RASGRF2: variants seen among roughly 807,000 people sequenced by gnomAD.
RASGRF2 encodes the protein Ras protein specific guanine nucleotide releasing factor 2, also known as ras-specific guanine nucleotide-releasing factor 2.
RASGRF2 carries 76 observed loss-of-function variants against 151.0 expected under a neutral mutation model. The observed-to-expected ratio is 0.50, with a 90% confidence interval of 0.42 to 0.61. RASGRF2 has a LOEUF of 0.61. Ranked by LOEUF, RASGRF2 falls within the 20% of genes least tolerant of loss-of-function variation. RASGRF2 has a pLI of 0.00. For missense variants in RASGRF2, 1,148 were observed against 1,564.6 expected (o/e 0.73, Z 4.49); for synonymous variants, 504 against 566.5 (o/e 0.89, Z 1.57).
chr5:81,036,181 T>C (rs1750486270), intron 1 of RASGRF2, among the ~76,000 whole-genome samples: 1 of 152,166 alleles, frequency 6.6e-6, no homozygotes, highest in Non-Finnish European at 1.5e-5. Flanking sequence ...TTCCTGGTAC[T>C]TACCTTCATA....
At chr5:81,040,328 A>T (rs1251633206) in intron 1 of RASGRF2, among the ~76,000 whole-genome samples, 1 of 152,178 alleles carries the variant, frequency 6.6e-6, no homozygotes, top group East Asian at 1.9e-4. Context: ...AAGTGACTTG[A>T]TACTATTCCT....
intron 17 of RASGRF2, among the ~76,000 whole-genome samples, chr5:81,148,891 C>T (rs1754066904): frequency 6.6e-6 from 1 of 151,786 alleles, no homozygotes; most frequent in Non-Finnish European, 1.5e-5. Context: ...AATGCTTAAC[C>T]TCACTAATTA....
At chr5:81,080,249 A>G (rs753983087) in intron 6 of RASGRF2, 49 bp downstream of exon 6, 31 of 1,574,904 alleles carry the variant, frequency 2.0e-5, no homozygotes, top group African/African-American at 1.1e-4. Context: ...AGTGGCTGCA[A>G]TTAGAGTAAA....
At chr5:81,059,017 C>T (rs1270109293) in intron 2 of RASGRF2, among the ~76,000 whole-genome samples, 1 of 152,138 alleles carries the variant, frequency 6.6e-6, no homozygotes, top group Non-Finnish European at 1.5e-5. Context: ...AGTTCCAACT[C>T]TTCCCCCTTC....
chr5:81,115,832 A>G (rs551994130), intron 15 of RASGRF2, among the ~76,000 whole-genome samples: 1 of 152,236 alleles, frequency 6.6e-6, no homozygotes, highest in Non-Finnish European at 1.5e-5. Context: ...TACTCTAGTT[A>G]TGTGGATAAT....
At chr5:81,000,664 C>T (rs1158242935) in intron 1 of RASGRF2, among the ~76,000 whole-genome samples, 1 of 152,104 alleles carries the variant, frequency 6.6e-6, no homozygotes, top group Non-Finnish European at 1.5e-5. Flanking sequence ...TCCGACTTTA[C>T]CCAATGCTGG....
intron 1 of RASGRF2, among the ~76,000 whole-genome samples, chr5:81,011,229 AT>A (rs1242758916): frequency 3.4e-5 from 4 of 116,212 alleles, no homozygotes; most frequent in Non-Finnish European, 3.8e-5. Flanking sequence ...CTAGCTTACT[AT>A]TTTTTTTTAT....
chr5:81,180,580 CTG>C (rs1459758694), intron 18 of RASGRF2, among the ~76,000 whole-genome samples: 11 of 152,150 alleles, frequency 7.2e-5, no homozygotes, highest in Admixed American at 2.6e-4. Context: ...AACAAGGCCT[CTG>C]TGCTGTGCCA....
At position 81,092,758 on chromosome 5, in the gene RASGRF2, A is replaced by G. The variant is rs1192839317; in HGVS notation, c.1391-43A>G. On this transcript the variant is annotated intron_variant, in intron 9 of 26. Transcript: ENST00000265080. ...GCCGTGGACATGGTCCTCACTTGAC[A>G]GAATTTTAATTGCTGTGTATTCTTC... is the stretch of plus-strand genomic sequence containing the variant. The G allele has an allele frequency of 1.9e-6, 3 of 1,567,654 alleles. No homozygotes were observed. The Admixed American group carries it at 5.3e-5, about 28-fold the overall frequency.
At chr5:81,087,349 G>A (rs1752267811) in intron 9 of RASGRF2, 1 of 702,786 alleles carries the variant, frequency 1.4e-6, no homozygotes, top group African/African-American at 1.7e-5. Flanking sequence ...TAAGACTGGG[G>A]ACCATGTCCG....
chr5:81,012,676 C>T (rs768707567), intron 1 of RASGRF2, among the ~76,000 whole-genome samples: 7 of 152,040 alleles, frequency 4.6e-5, no homozygotes, highest in African/African-American at 1.2e-4. Flanking sequence ...GGGACAACTC[C>T]GACGCAGTTT....
At chr5:81,064,497 T>C (rs1751536978) in intron 2 of RASGRF2, among the ~76,000 whole-genome samples, 1 of 152,208 alleles carries the variant, frequency 6.6e-6, no homozygotes, top group African/African-American at 2.4e-5. Flanking sequence ...GGTTGAGTAC[T>C]AGAAGCCGGG....
rs117992606 is a variant in RASGRF2, at chr5:81,147,068, G to A, written c.2686+19905G>A. Among the ~76,000 whole-genome samples the A allele has an allele frequency of 2.0e-5, 3 of 152,272 alleles. No individual in the cohort carries two copies. In the East Asian group the frequency reaches 5.8e-4, roughly 29 times the overall value. On this transcript the variant is annotated intron_variant, in intron 17 of 26. Transcript: ENST00000265080. ...TTAGATGAACAGGCATAGAGTACAT[G>A]TTAAATGATCAAGATGTGAACTCCT... is the stretch of plus-strand genomic sequence containing the variant.
chr5:81,115,533 A>G (rs73766200), intron 15 of RASGRF2, among the ~76,000 whole-genome samples: 8,223 of 152,160 alleles, frequency 0.054, 716 homozygotes, highest in African/African-American at 0.18. Context: ...AAGTTTTTTC[A>G]CCTTCTTTAC....
intron 18 of RASGRF2, among the ~76,000 whole-genome samples, chr5:81,200,260 G>T (rs889119791): frequency 1.4e-5 from 2 of 147,996 alleles, no homozygotes; most frequent in Middle Eastern, 3.2e-3. Flanking sequence ...GACAGAGAGA[G>T]ACCCTGTGAT....
Position 81,123,557 on chromosome 5 carries a change from T to A in RASGRF2, c.2471-85T>A, listed in dbSNP as rs80251966. On this transcript the variant is annotated intron_variant, in intron 15 of 26. Coordinates refer to ENST00000265080, the MANE Select transcript of RASGRF2 (RefSeq NM_006909.3). ...TTAATGAAATGCTTATTATCTGTAA[T>A]GAACTTTTGTTTCCATGCATGATAC... 4.4e-4 allele frequency: 651 copies of A among 1,466,578 alleles called. 3 individuals are homozygous for A. The African/African-American group carries it at 8.1e-3, about 18-fold the overall frequency. 90.8% of individuals were successfully genotyped at this position (1,466,578 alleles called of 1,614,324 possible).
intron 1 of RASGRF2, among the ~76,000 whole-genome samples, chr5:81,021,999 T>C (rs562515675): frequency 4.7e-4 from 71 of 152,268 alleles, no homozygotes; most frequent in African/African-American, 1.7e-3. Context: ...GACCGGTTGG[T>C]GTCAGCCATT....
intron 1 of RASGRF2, among the ~76,000 whole-genome samples, chr5:81,013,727 G>C (rs1467950905): frequency 6.6e-6 from 1 of 151,942 alleles, no homozygotes; most frequent in Non-Finnish European, 1.5e-5. Context: ...GTTAGTGAAA[G>C]CTACTATTAC....
chr5:81,226,695 A>T lies in RASGRF2; in HGVS notation c.*925A>T, dbSNP rs188383240. On this transcript the variant is annotated 3_prime_UTR_variant, in exon 27 of 27. Transcript: ENST00000265080. ...CTTTGTTTGTTTTCTTTCCCCACTC[A>T]TAGTACTGCAGGAATCTATTCTCAT... The T allele has an allele frequency of 6.6e-6, 1 of 152,224 alleles. No homozygotes were observed. Among genetic ancestry groups the T allele is most frequent in the Non-Finnish European group, 1.5e-5 (1 of 68,050 alleles). The allele number at this position is 152,224 out of a possible 1,614,324, so 9.4% of individuals were successfully genotyped here.
Sources: allele counts gnomAD v4.1 joint callset (sites outside exome capture counted in the v4.1 genomes callset), GRCh38; gene constraint gnomAD v4.1.1; transcripts MANE v1.5; gene names NCBI Gene and HGNC (gene_info 2026-07-23, HGNC 2026-07-21).